The following GYPE variants were observed in gnomAD, a reference collection of about 807,000 sequenced individuals.
The protein encoded by GYPE is glycophorin E (MNS blood group), also known as glycophorin-E.
Under a neutral mutation model 11.6 loss-of-function variants are expected in GYPE, and 8 were observed. That is an observed-to-expected ratio of 0.69 (90% CI 0.41 to 1.25). The LOEUF (loss-of-function observed/expected upper bound fraction) is 1.25, where lower values mean the gene tolerates loss of function less well. Among genes scored for constraint, GYPE ranks in the 50% most tolerant of loss-of-function variants. The pLI is 0.01. For synonymous variants in GYPE, 28 were observed against 29.6 expected (o/e 0.94, Z 0.18); for missense variants, 90 against 92.8 (o/e 0.97, Z 0.12).
intron 1 of GYPE, among the ~76,000 whole-genome samples, chr4:143,894,105 C>T (rs1255509791): frequency 3.3e-5 from 5 of 152,150 alleles, no homozygotes; most frequent in Non-Finnish European, 7.3e-5. Context: ...ATCACATTGG[C>T]TCCTGAGGCT....
intron 1 of GYPE, among the ~76,000 whole-genome samples, chr4:143,899,440 C>A (rs1352093338): frequency 2.0e-5 from 3 of 152,084 alleles, no homozygotes; most frequent in African/African-American, 4.8e-5. Context: ...AGTTAAAATG[C>A]ACATAATTTT....
At chr4:143,900,153 C>G (rs377594501) in intron 1 of GYPE, among the ~76,000 whole-genome samples, 73 of 151,156 alleles carry the variant, frequency 4.8e-4, no homozygotes, top group African/African-American at 1.5e-3. Flanking sequence ...AACATTTCTC[C>G]AAAGATATGC....
rs1743641089 is a variant in GYPE at position 143,872,183 on chromosome 4, G to C, written c.*79C>G. 1 of 152,448 alleles carries C rather than the reference G, an allele frequency of 6.6e-6. No individual in the cohort carries two copies. Among genetic ancestry groups the C allele is most frequent in the African/African-American group, 2.4e-5 (1 of 41,386 alleles). The allele number at this position is 152,448 out of a possible 1,614,324, so 9.4% of individuals were successfully genotyped here. A position where few individuals can be genotyped will look rare whatever the true frequency, so the allele number is the denominator to read the frequency against. On this transcript the variant is annotated 3_prime_UTR_variant, in exon 4 of 4. Coordinates refer to ENST00000358615, the MANE Select transcript of GYPE (RefSeq NM_198682.3). The stretch of plus-strand genomic sequence containing the variant: ...GCCGTCAGGCACACAATTACACCAT[G>C]AACAGTGAAGTAAAAAAATGTCCTT...
At chr4:143,882,675 C>T (rs1744085796) in intron 1 of GYPE, among the ~76,000 whole-genome samples, 1 of 152,192 alleles carries the variant, frequency 6.6e-6, no homozygotes, top group African/African-American at 2.4e-5. Flanking sequence ...TCTCATCCTT[C>T]ACTCAGGTGT....
chr4:143,892,032 G>A (rs1413425903), intron 1 of GYPE, among the ~76,000 whole-genome samples: 2 of 152,186 alleles, frequency 1.3e-5, no homozygotes, highest in African/African-American at 4.8e-5. Context: ...TCCTGGTTTA[G>A]TCTTGGGAGA....
intron 2 of GYPE, among the ~76,000 whole-genome samples, chr4:143,878,180 C>T (rs1166681423): frequency 1.3e-5 from 2 of 152,096 alleles, no homozygotes; most frequent in Non-Finnish European, 2.9e-5. Flanking sequence ...GGCTAGAGTA[C>T]AGTGGCACAG....
At chr4:143,902,000 T>C (rs1226368263) in intron 1 of GYPE, among the ~76,000 whole-genome samples, 8 of 152,056 alleles carry the variant, frequency 5.3e-5, no homozygotes, top group Admixed American at 3.3e-4. Context: ...AGGCTGAATT[T>C]TGGGGATTCA....
At chr4:143,902,402 T>G (rs915754822) in intron 1 of GYPE, among the ~76,000 whole-genome samples, 1 of 151,726 alleles carries the variant, frequency 6.6e-6, no homozygotes, top group African/African-American at 2.4e-5. Context: ...TTCAGACTGA[T>G]GTACCTGCTG....
At chr4:143,903,118 C>T (rs1208170528) in intron 1 of GYPE, among the ~76,000 whole-genome samples, 1 of 151,974 alleles carries the variant, frequency 6.6e-6, no homozygotes, top group Non-Finnish European at 1.5e-5. Flanking sequence ...GAAAATAACT[C>T]CCTGCTACCC....
chr4:143,892,072 T>G (rs959399901), intron 1 of GYPE, among the ~76,000 whole-genome samples: 2 of 152,232 alleles, frequency 1.3e-5, no homozygotes, highest in Non-Finnish European at 2.9e-5. Flanking sequence ...TATCCATTTC[T>G]TCTAGATTTT....
At position 143,903,544 on chromosome 4, in the gene GYPE, A is replaced by AG. The variant is rs1469797793; in HGVS notation, c.37+1926_37+1927insC. On this transcript the variant is annotated intron_variant, in intron 1 of 3. Coordinates refer to ENST00000358615, the MANE Select transcript of GYPE (RefSeq NM_198682.3). Reference sequence around the variant, plus strand: ...CATAGCAAAAAAAAAAAAAAAAAAGAAAAAAAAAGAAAAAGACTTCACCAT... The same window carrying AG: ...CATAGCAAAAAAAAAAAAAAAAAAGAGAAAAAAAAGAAAAAGACTTCACCAT... 2.3e-3 allele frequency among the ~76,000 whole-genome samples: 336 copies of AG among 146,084 alleles called. 2 individuals are homozygous for AG. Among genetic ancestry groups the AG allele is most frequent in the African/African-American group, 7.9e-3 (313 of 39,806 alleles).
chr4:143,900,815 T>C (rs879806725), intron 1 of GYPE, among the ~76,000 whole-genome samples: 21 of 152,238 alleles, frequency 1.4e-4, no homozygotes, highest in Non-Finnish European at 2.8e-4. Context: ...AATTAGTGGT[T>C]TCCAGGGGCT....
intron 1 of GYPE, among the ~76,000 whole-genome samples, chr4:143,887,519 A>T (rs1465634271): frequency 6.8e-6 from 1 of 146,686 alleles, no homozygotes; most frequent in Non-Finnish European, 1.5e-5. Context: ...TACTCTGAAG[A>T]CCTTACCCCA....
chr4:143,903,173 G>T (rs1171240907), intron 1 of GYPE, among the ~76,000 whole-genome samples: 12 of 151,900 alleles, frequency 7.9e-5, no homozygotes, highest in African/African-American at 2.9e-4. Flanking sequence ...ATCTTACCTG[G>T]TTTTATATGC....
At chr4:143,880,025 A>T (rs1431882809) in intron 2 of GYPE, among the ~76,000 whole-genome samples, 2 of 152,082 alleles carry the variant, frequency 1.3e-5, no homozygotes, top group Non-Finnish European at 2.9e-5. Context: ...TGGGATAGAA[A>T]CCCTGCAGGG....
chr4:143,890,986 C>T (rs1442929781), intron 1 of GYPE, among the ~76,000 whole-genome samples: 1 of 152,026 alleles, frequency 6.6e-6, no homozygotes, highest in Non-Finnish European at 1.5e-5. Context: ...CTGGCAGCTT[C>T]AGAAAGCTCC....
intron 3 of GYPE, among the ~76,000 whole-genome samples, chr4:143,873,968 T>C (rs2149902882): frequency 6.6e-6 from 1 of 152,176 alleles, no homozygotes; most frequent in East Asian, 1.9e-4. Context: ...TGGAACATGT[T>C]AGACATGCAA....
At chr4:143,876,624 GA>G (rs772953089) in intron 3 of GYPE, 121 bp downstream of exon 3, 162 of 635,586 alleles carry the variant, frequency 2.5e-4, no homozygotes, top group Admixed American at 2.5e-4. Context: ...GTGTCCAGTT[GA>G]AAAAGATGGA....
At chr4:143,889,686 G>A (rs1440044425) in intron 1 of GYPE, among the ~76,000 whole-genome samples, 1 of 152,180 alleles carries the variant, frequency 6.6e-6, no homozygotes, top group Non-Finnish European at 1.5e-5. Context: ...TGTCTTCTAA[G>A]ATGCTTCACC....
Sources: allele counts gnomAD v4.1 joint callset (sites outside exome capture counted in the v4.1 genomes callset), GRCh38; gene constraint gnomAD v4.1.1; transcripts MANE v1.5; gene names NCBI Gene and HGNC (gene_info 2026-07-23, HGNC 2026-07-21).